The following TMEM163 variants were observed in gnomAD, a reference collection of about 807,000 sequenced individuals.
TMEM163 encodes the protein transmembrane protein 163.
Under a neutral mutation model 29.3 loss-of-function variants are expected in TMEM163, and 17 were observed. That is an observed-to-expected ratio of 0.58 (90% CI 0.40 to 0.87). TMEM163 has a LOEUF of 0.87. TMEM163 is among the 40% of genes least tolerant of loss of function. The probability of loss-of-function intolerance (pLI) is 0.00; values close to 1 mark genes in which losing one functional copy is unlikely to be tolerated. For synonymous variants in TMEM163, 157 were observed against 160.6 expected (o/e 0.98, Z 0.17); for missense variants, 303 against 381.5 (o/e 0.79, Z 1.71).
chr2:134,579,683 TG>T (rs1444406298), intron 2 of TMEM163, among the ~76,000 whole-genome samples: 6 of 152,122 alleles, frequency 3.9e-5, no homozygotes, highest in Admixed American at 3.3e-4. Context: ...AGAGATATAC[TG>T]GGATTTGAAT....
intron 4 of TMEM163, among the ~76,000 whole-genome samples, chr2:134,519,569 G>A (rs575839079): frequency 3.7e-4 from 57 of 152,088 alleles, no homozygotes; most frequent in Admixed American, 2.2e-3. Context: ...AAAATTAGCC[G>A]GGCGTGGTGG....
rs149802193 is a variant in TMEM163, at chr2:134,550,647, C to G, written c.381G>C (p.Leu127=). 8.7e-6 allele frequency: 14 copies of G among 1,614,178 alleles called. No homozygotes were observed. The African/African-American group carries it at 1.5e-4, about 17-fold the overall frequency. The stretch of plus-strand genomic sequence containing the variant: ...GGACAATCGCCGATGACAGGACGTC[C>G]AGGATGGCATCAAACTAGGAGAAGG... ...SAFGFAFDAI[L]DVLSSAIVLW... Residue 127 remains leucine, a synonymous_variant, in exon 4 of 8, where the codon CTG becomes CTC. Transcript: ENST00000281924.
At chr2:134,645,830 T>C (rs943267118) in intron 2 of TMEM163, among the ~76,000 whole-genome samples, 3 of 152,176 alleles carry the variant, frequency 2.0e-5, no homozygotes, top group African/African-American at 7.2e-5. Flanking sequence ...ATATATAAAG[T>C]GACTTTTGGG....
At chr2:134,641,925 G>A (rs1038144334) in intron 2 of TMEM163, among the ~76,000 whole-genome samples, 1 of 152,062 alleles carries the variant, frequency 6.6e-6, no homozygotes, top group Non-Finnish European at 1.5e-5. Context: ...ACAAGCTAGA[G>A]CAGATATATT....
intron 2 of TMEM163, among the ~76,000 whole-genome samples, chr2:134,712,630 C>G (rs553933574): frequency 6.6e-6 from 1 of 152,174 alleles, no homozygotes; most frequent in Non-Finnish European, 1.5e-5. Context: ...CTTCCTAACC[C>G]CCAAACAGGA....
chr2:134,673,890 A>G lies in TMEM163; in HGVS notation c.322+39310T>C, dbSNP rs1684048263. ...TAATAACTTTGTGCGGTTTTAAGCC[A>G]CTAAGTTTGTGGTCATTTGTCACAG... is the stretch of plus-strand genomic sequence containing the variant. On this transcript the variant is annotated intron_variant, in intron 2 of 7. Transcript: ENST00000281924. Among the ~76,000 whole-genome samples the G allele has an allele frequency of 2.0e-5, 3 of 152,210 alleles. No individual in the cohort carries two copies. In the South Asian group the frequency reaches 6.2e-4, roughly 32 times the overall value.
chr2:134,718,660 G>T (rs1003646898), intron 1 of TMEM163, 74 bp downstream of exon 1: 14 of 1,064,516 alleles, frequency 1.3e-5, no homozygotes, highest in Non-Finnish European at 1.4e-5. Context: ...CGCCCAGCGC[G>T]GCCCGCGAGT....
At chr2:134,509,340 A>T (rs912097665) in intron 4 of TMEM163, among the ~76,000 whole-genome samples, 1 of 152,228 alleles carries the variant, frequency 6.6e-6, no homozygotes, top group East Asian at 1.9e-4. Flanking sequence ...GGCTCACCAG[A>T]GGGGCCGTTG....
At chr2:134,514,407 TA>T (rs1240279249) in intron 4 of TMEM163, among the ~76,000 whole-genome samples, 53 of 89,208 alleles carry the variant, frequency 5.9e-4, no homozygotes, top group Admixed American at 8.1e-4. Context: ...TTTTTTTTTT[TA>T]AAAAAAGAGG....
intron 2 of TMEM163, among the ~76,000 whole-genome samples, chr2:134,611,905 A>G (rs896101739): frequency 2.0e-5 from 3 of 152,230 alleles, no homozygotes; most frequent in Non-Finnish European, 2.9e-5. Flanking sequence ...ACTAGCCACA[A>G]TGATAGGCCT....
At chr2:134,527,769 G>A (rs1387307588) in intron 4 of TMEM163, among the ~76,000 whole-genome samples, 1 of 152,202 alleles carries the variant, frequency 6.6e-6, no homozygotes. Context: ...TAACAGCATG[G>A]AAAGCCCTCT....
chr2:134,660,523 C>G (rs1372103387), intron 2 of TMEM163, among the ~76,000 whole-genome samples: 1 of 152,182 alleles, frequency 6.6e-6, no homozygotes, highest in African/African-American at 2.4e-5. Flanking sequence ...TGAAAGGAAA[C>G]TTTTTTTGAA....
chr2:134,662,451 T>C (rs78161341), intron 2 of TMEM163, among the ~76,000 whole-genome samples: 240 of 152,258 alleles, frequency 1.6e-3, no homozygotes, highest in Middle Eastern at 3.4e-3. Flanking sequence ...AGAATGGGTA[T>C]TGGTTAAAAA....
chr2:134,473,255 A>G (rs952017052), intron 5 of TMEM163, among the ~76,000 whole-genome samples: 5 of 152,136 alleles, frequency 3.3e-5, no homozygotes, highest in African/African-American at 1.2e-4. Flanking sequence ...AATGAGACAG[A>G]CCAGGTGCGG....
intron 2 of TMEM163, among the ~76,000 whole-genome samples, chr2:134,692,791 C>G (rs1279111720): frequency 6.6e-6 from 1 of 152,182 alleles, no homozygotes; most frequent in Non-Finnish European, 1.5e-5. Context: ...AAGCCTCCCC[C>G]TCCAAATACC....
chr2:134,585,330 C>T (rs919400730), intron 2 of TMEM163, among the ~76,000 whole-genome samples: 1 of 152,170 alleles, frequency 6.6e-6, no homozygotes, highest in Admixed American at 6.5e-5. Flanking sequence ...AATAGATTCT[C>T]AAGTGATGGC....
At chr2:134,461,079 G>A (rs938681751) in intron 6 of TMEM163, among the ~76,000 whole-genome samples, 1 of 152,206 alleles carries the variant, frequency 6.6e-6, no homozygotes, top group Non-Finnish European at 1.5e-5. Flanking sequence ...AGCCCAGCAG[G>A]CAGGCCCTGC....
At chr2:134,595,574 A>C (rs1465209933) in intron 2 of TMEM163, among the ~76,000 whole-genome samples, 2 of 152,294 alleles carry the variant, frequency 1.3e-5, no homozygotes, top group Middle Eastern at 3.4e-3. Context: ...TGCAATAAAC[A>C]TATGTGTGCG....
chr2:134,675,157 G>A (rs973536977), intron 2 of TMEM163, among the ~76,000 whole-genome samples: 2 of 152,174 alleles, frequency 1.3e-5, no homozygotes, highest in Non-Finnish European at 2.9e-5. Context: ...AGAAACACAT[G>A]AATGTTTCCA....
Sources: gnomAD v4.1 joint callset for allele counts (sites outside exome capture counted in the v4.1 genomes callset) on GRCh38, gnomAD v4.1.1 for gene constraint, MANE v1.5 for transcripts, NCBI Gene and HGNC (gene_info 2026-07-23, HGNC 2026-07-21) for gene names.